CCNY: variants seen among roughly 807,000 people sequenced by gnomAD.
CCNY encodes cyclin Y.
In CCNY, 19 loss-of-function variants were observed where a neutral mutation model predicts 42.8. The ratio of observed to expected loss-of-function variants is 0.44; its 90% CI spans 0.31 to 0.65. The LOEUF is 0.65. Ranked by LOEUF, CCNY falls within the 30% of genes least tolerant of loss-of-function variation. CCNY has a pLI of 0.07. For synonymous variants in CCNY, 165 were observed against 162.7 expected, an observed-to-expected ratio of 1.01 and a Z score of -0.11; for missense variants, 370 against 437.3, an observed-to-expected ratio of 0.85 and a Z score of 1.37.
At chr10:35,254,034 C>A (rs941257163) in intron 3 of CCNY, among the ~76,000 whole-genome samples, 1 of 132,620 alleles carries the variant, frequency 7.5e-6, no homozygotes, top group Non-Finnish European at 1.6e-5. Context: ...CGCCACCATG[C>A]CCAGCTAATT....
chr10:35,538,129 C>T (rs1284367404), intron 7 of CCNY, among the ~76,000 whole-genome samples: 1 of 152,164 alleles, frequency 6.6e-6, no homozygotes, highest in African/African-American at 2.4e-5. Context: ...CTGCCTGCTG[C>T]CATCCATGTA....
At chr10:35,489,301 T>A (rs1048086791) in intron 2 of CCNY, among the ~76,000 whole-genome samples, 3 of 152,172 alleles carry the variant, frequency 2.0e-5, no homozygotes, top group Non-Finnish European at 4.4e-5. Flanking sequence ...GTTTTTTGTT[T>A]TGTTTTGTTT....
intron 3 of CCNY, among the ~76,000 whole-genome samples, chr10:35,253,914 C>T (rs1300235839): frequency 2.8e-5 from 4 of 143,604 alleles, no homozygotes; most frequent in Admixed American, 7.5e-5. Flanking sequence ...CTCACTCTGT[C>T]GCCCAGGCTG....
chr10:35,376,540 A>T (rs1837055760), intron 1 of CCNY, among the ~76,000 whole-genome samples: 1 of 152,230 alleles, frequency 6.6e-6, no homozygotes, highest in East Asian at 1.9e-4. Context: ...TGCCAACATG[A>T]TGCTCAAAGG....
chr10:35,315,113 A>C (rs1333087652), intron 3 of CCNY: 1 of 152,178 alleles, frequency 6.6e-6, no homozygotes, highest in Non-Finnish European at 1.5e-5. Context: ...ATAACTTTTT[A>C]AAAAACTTTT....
At chr10:35,435,070 G>T (rs577757912) in intron 1 of CCNY, among the ~76,000 whole-genome samples, 1 of 152,328 alleles carries the variant, frequency 6.6e-6, no homozygotes, top group East Asian at 1.9e-4. Context: ...GGCTGCACCT[G>T]GATTGGGGCA....
intron 1 of CCNY, among the ~76,000 whole-genome samples, chr10:35,475,658 C>A (rs1224322288): frequency 6.7e-6 from 1 of 148,338 alleles, no homozygotes; most frequent in East Asian, 2.0e-4. Flanking sequence ...TGGAAAGGAA[C>A]AACTGGTACC....
In CCNY at chr10:35,378,326, C is replaced by T. The variant is rs557124292; in HGVS notation, c.154+41119C>T. Among the ~76,000 whole-genome samples, 8 of 152,262 alleles carry T rather than the reference C, an allele frequency of 5.3e-5. No homozygotes were observed. The South Asian group carries it at 8.3e-4, about 16-fold the overall frequency. The stretch of plus-strand genomic sequence containing the variant: ...GCTTTCAAGCTCATGGTGGTAGATA[C>T]GAGTTTTCCAGAATTCTGACTTCTG... On this transcript the variant is annotated intron_variant, in intron 1 of 9. Transcript: ENST00000374704.
intron 1 of CCNY, chr10:35,394,977 C>T (rs772213402): frequency 1.4e-4 from 41 of 287,796 alleles, no homozygotes; most frequent in Non-Finnish European, 1.9e-4. Flanking sequence ...ATTCTTCCCA[C>T]CCTCCCCCGC....
At position 35,530,148 on chromosome 10, in the gene CCNY, G is replaced by A; in HGVS notation, c.484G>A (p.Asp162Asn). Residue 162 changes from aspartate to asparagine, a missense_variant, in exon 7 of 10, where the codon GAC (aspartate) becomes AAC (asparagine). By Grantham distance (23) the Asp-to-Asn change is conservative. Around this residue, in one of 2 missense-constraint regions of CCNY, gnomAD observed 234 missense variants for 313.1 expected, o/e 0.75. Transcript: ENST00000374704. This position sits in a 1 kb window ranked among gnomAD's most constrained non-coding sequence, Gnocchi z 4.3. ...GAAATCCGAAGTGCCACCAGATTAT[G>A]ACAAACACAACCCAGAGCAGAAGCA... ...LSKSEVPPDY[D>N]KHNPEQKQIY... 2 of 1,614,200 alleles carry A rather than the reference G, an allele frequency of 1.2e-6. No individual in the cohort carries two copies. Among genetic ancestry groups the A allele is most frequent in the African/African-American group, 1.3e-5 (1 of 75,050 alleles).
chr10:35,519,020 G>T (rs979919698), intron 4 of CCNY, among the ~76,000 whole-genome samples: 112 of 132,848 alleles, frequency 8.4e-4, no homozygotes, highest in African/African-American at 2.9e-3. Flanking sequence ...ATTTGGATTT[G>T]TAACAGCTCT....
intron 1 of CCNY, among the ~76,000 whole-genome samples, chr10:35,398,459 C>T (rs1837572609): frequency 6.6e-6 from 1 of 152,116 alleles, no homozygotes. Flanking sequence ...ACTGTGGAGC[C>T]CCATGATTTG....
chr10:35,315,399 T>C (rs1479569152), intron 3 of CCNY: 1 of 152,218 alleles, frequency 6.6e-6, no homozygotes, highest in Admixed American at 6.5e-5. Context: ...TCACTAAGGA[T>C]GATGGCCTCC....
At chr10:35,500,764 C>A (rs1840095152) in intron 2 of CCNY, among the ~76,000 whole-genome samples, 1 of 152,254 alleles carries the variant, frequency 6.6e-6, no homozygotes, top group Non-Finnish European at 1.5e-5. Context: ...CTCTCTGGGG[C>A]AGCAGGCTCC....
chr10:35,495,551 A>C (rs1443162872), intron 2 of CCNY, among the ~76,000 whole-genome samples: 2 of 151,974 alleles, frequency 1.3e-5, no homozygotes, highest in African/African-American at 4.8e-5. Flanking sequence ...TTTTTGTTTC[A>C]TTGGCTTTGC....
intron 3 of CCNY, among the ~76,000 whole-genome samples, chr10:35,263,994 C>G (rs566019866): frequency 1.3e-5 from 2 of 152,266 alleles, no homozygotes; most frequent in East Asian, 3.9e-4. Context: ...TCCATGTCCC[C>G]GCAAAGGACA....
At position 35,530,226 on chromosome 10, in the gene CCNY, T is replaced by A; in HGVS notation, c.562T>A (p.Cys188Ser). The stretch of plus-strand genomic sequence containing the variant: ...CAGTGCTGCTCAGCTGACGGCTGAA[T>A]GTGCCATCGTCACCCTGGTGAGTGC... ...LFSAAQLTAE[C>S]AIVTLVYLER... Residue 188 changes from cysteine to serine, a missense_variant, in exon 7 of 10, where the codon TGT becomes AGT. Transcript: ENST00000374704. The surrounding 1 kb of genome is among the most constrained non-coding windows in gnomAD (Gnocchi z 4.3). The A allele has an allele frequency of 6.2e-7, 1 of 1,614,238 alleles. No homozygotes were observed. Among genetic ancestry groups the A allele is most frequent in the Non-Finnish European group, 8.5e-7 (1 of 1,180,026 alleles).
intron 1 of CCNY, among the ~76,000 whole-genome samples, chr10:35,379,177 G>T (rs757661437): frequency 6.6e-6 from 1 of 152,150 alleles, no homozygotes; most frequent in South Asian, 2.1e-4. Context: ...AAAGCTTTTG[G>T]GGGAGAGCAG....
intron 1 of CCNY, among the ~76,000 whole-genome samples, chr10:35,434,585 C>T (rs1433709310): frequency 6.6e-6 from 1 of 152,174 alleles, no homozygotes; most frequent in Non-Finnish European, 1.5e-5. Flanking sequence ...AAATTTTGCC[C>T]TTAAGTGATC....
Sources: gnomAD v4.1 joint callset for allele counts (sites outside exome capture counted in the v4.1 genomes callset) on GRCh38, gnomAD v4.1.1 for gene constraint, gnomAD v4.1.1 regional missense constraint, Gnocchi (gnomAD v3.1) non-coding constraint, MANE v1.5 for transcripts, NCBI Gene and HGNC (gene_info 2026-07-23, HGNC 2026-07-21) for gene names.